Variants in UNC79 observed in about 807,000 individuals in gnomAD.
UNC79 encodes the protein protein unc-79 homolog.
A neutral mutation model predicts 283.1 loss-of-function variants in UNC79; 37 were observed. That is an observed-to-expected ratio of 0.13 (90% CI 0.10 to 0.17). UNC79 has a LOEUF of 0.17. Among genes scored for constraint, UNC79 ranks in the 10% least tolerant of loss-of-function variants. The pLI is 1.00. For synonymous variants in UNC79, 1,107 were observed against 1,200.2 expected, an observed-to-expected ratio of 0.92 and a Z score of 1.61; for missense variants, 2,272 against 3,211.1, an observed-to-expected ratio of 0.71 and a Z score of 7.07.
intron 4 of UNC79, among the ~76,000 whole-genome samples, chr14:93,486,656 GGAA>G (rs1302930895): frequency 1.3e-5 from 1 of 78,508 alleles, no homozygotes; most frequent in South Asian, 4.7e-4. Flanking sequence ...CTCTGTCTAA[GGAA>G]AAAAAAAAAA....
intron 5 of UNC79, among the ~76,000 whole-genome samples, chr14:93,492,610 T>C (rs2058784505): frequency 6.6e-6 from 1 of 152,216 alleles, no homozygotes; most frequent in Non-Finnish European, 1.5e-5. Flanking sequence ...TGTCTTGGCC[T>C]CCCAAAGTGC....
chr14:93,654,177 A>G, intron 37 of UNC79, 152 bp downstream of exon 40: 1 of 529,672 alleles, frequency 1.9e-6, no homozygotes, highest in East Asian at 3.4e-5. Context: ...AAATTTTAAA[A>G]TTAAAAAATA....
chr14:93,548,777 T>A (rs960247708), intron 14 of UNC79, among the ~76,000 whole-genome samples: 1 of 152,272 alleles, frequency 6.6e-6, no homozygotes. Context: ...CATTCTACAT[T>A]ACTTGAATAC....
chr14:93,700,102 T>C (rs1423106385), intron 47 of UNC79, among the ~76,000 whole-genome samples: 1 of 150,384 alleles, frequency 6.6e-6, no homozygotes, highest in African/African-American at 2.4e-5. Flanking sequence ...ACTTTAAAGA[T>C]ATTGCTCCTC....
At position 93,541,794 on chromosome 14, in the gene UNC79, G is replaced by A. The variant is rs192456365; in HGVS notation, c.1525-672G>A. ...GCCAAGACGGGCAGATCACGAGGTC[G>A]GGAGATCGAGACCATCCTGGCTAAC... On this transcript the variant is annotated intron_variant, in intron 13 of 48. Transcript: ENST00000555664. 6.6e-5 allele frequency among the ~76,000 whole-genome samples: 10 copies of A among 151,980 alleles called. 1 individual carries two copies. In the East Asian group the frequency reaches 1.4e-3, roughly 21 times the overall value.
At chr14:93,435,389 G>A (rs374645716) in intron 1 of UNC79, among the ~76,000 whole-genome samples, 5 of 152,024 alleles carry the variant, frequency 3.3e-5, no homozygotes, top group South Asian at 2.1e-4. Flanking sequence ...TTTTTCTTAG[G>A]GCTGTCTTCT....
intron 1 of UNC79, among the ~76,000 whole-genome samples, chr14:93,364,627 T>A (rs1248882434): frequency 1.5e-5 from 1 of 66,710 alleles, no homozygotes; most frequent in African/African-American, 4.6e-5. Flanking sequence ...AAGGGAACTA[T>A]ACTTAGCTAT....
intron 7 of UNC79, among the ~76,000 whole-genome samples, chr14:93,511,096 G>A (rs1416482742): frequency 6.6e-6 from 1 of 152,172 alleles, no homozygotes; most frequent in Non-Finnish European, 1.5e-5. Context: ...GGTGGCAGGA[G>A]GGAGAGGTGG....
At chr14:93,699,629 G>A (rs1342557098) in intron 47 of UNC79, among the ~76,000 whole-genome samples, 1 of 152,088 alleles carries the variant, frequency 6.6e-6, no homozygotes, top group African/African-American at 2.4e-5. Context: ...TTTAATCACA[G>A]TCTGCCTTCA....
At chr14:93,593,205 G>T (rs930592173) in intron 22 of UNC79, among the ~76,000 whole-genome samples, 4 of 152,176 alleles carry the variant, frequency 2.6e-5, no homozygotes, top group Non-Finnish European at 4.4e-5. Context: ...GATAGAGAAG[G>T]TTGGGGAGCT....
At chr14:93,558,413 C>T (rs1016081105) in intron 14 of UNC79, among the ~76,000 whole-genome samples, 7 of 151,852 alleles carry the variant, frequency 4.6e-5, no homozygotes, top group South Asian at 2.1e-4. Context: ...AAAATTAGCC[C>T]GGTGCGGTGG....
intron 1 of UNC79, among the ~76,000 whole-genome samples, chr14:93,405,929 G>A (rs2055216060): frequency 6.6e-6 from 1 of 152,162 alleles, no homozygotes; most frequent in Non-Finnish European, 1.5e-5. Flanking sequence ...CTACTAAGGT[G>A]ACCAACTATC....
intron 14 of UNC79, among the ~76,000 whole-genome samples, chr14:93,562,708 G>A (rs779659419): frequency 4.6e-5 from 7 of 152,134 alleles, no homozygotes; most frequent in African/African-American, 1.2e-4. Flanking sequence ...CTATAGAGGT[G>A]GGAAGGCCAA....
chr14:93,543,091 C>CA (rs998820081), intron 14 of UNC79, among the ~76,000 whole-genome samples: 2 of 150,786 alleles, frequency 1.3e-5, no homozygotes, highest in Non-Finnish European at 3.0e-5. Flanking sequence ...GAAACAACAA[C>CA]AAAAAAGCCT....
In UNC79 at chr14:93,690,207, T is replaced by C. The variant is rs199828253; in HGVS notation, c.7176T>C (p.Asn2392=). Residue 2392 remains asparagine, a synonymous_variant, in exon 45 of 49, where the codon AAT becomes AAC. Transcript: ENST00000555664. This position sits in a 1 kb window ranked among gnomAD's most constrained non-coding sequence, Gnocchi z 4.3. ...TCACTCACAATGCAGTGTGCCCAAA[T>C]GCCTCCTCTCCCTGCCTGCCCATTC... The C allele has an allele frequency of 2.5e-6, 4 of 1,614,206 alleles. No homozygotes were observed. The highest frequency in any genetic ancestry group is 3.4e-6 in the Non-Finnish European group (4 of 1,180,042).
chr14:93,338,740 C>T (rs2053637451), intron 1 of UNC79, among the ~76,000 whole-genome samples: 1 of 152,022 alleles, frequency 6.6e-6, no homozygotes, highest in Admixed American at 6.6e-5. Flanking sequence ...AACTCTGTCT[C>T]TATGAAAAAA....
At chr14:93,479,663 C>T (rs1057130749) in intron 4 of UNC79, among the ~76,000 whole-genome samples, 1 of 151,920 alleles carries the variant, frequency 6.6e-6, no homozygotes, top group Non-Finnish European at 1.5e-5. Flanking sequence ...GATATAGGGT[C>T]TTATTCTGTT....
intron 14 of UNC79, among the ~76,000 whole-genome samples, chr14:93,560,905 G>T (rs2062506372): frequency 6.6e-6 from 1 of 152,024 alleles, no homozygotes; most frequent in Admixed American, 6.5e-5. Flanking sequence ...AGAGGGAGAG[G>T]CTCGATTTTC....
chr14:93,631,355 T>C (rs2068021008), intron 31 of UNC79, among the ~76,000 whole-genome samples: 1 of 152,206 alleles, frequency 6.6e-6, no homozygotes, highest in South Asian at 2.1e-4. Context: ...ATATATCATA[T>C]TCCCAAAGTC....
Sources: gnomAD v4.1 joint callset for allele counts (sites outside exome capture counted in the v4.1 genomes callset) on GRCh38, gnomAD v4.1.1 for gene constraint, Gnocchi (gnomAD v3.1) non-coding constraint, MANE v1.5 for transcripts, NCBI Gene and HGNC (gene_info 2026-07-23, HGNC 2026-07-21) for gene names.